Variants in KIF6 observed in about 807,000 individuals in gnomAD.
The protein encoded by KIF6 is kinesin family member 6.
Under a neutral mutation model 112.7 loss-of-function variants are expected in KIF6, and 106 were observed. The ratio of observed to expected loss-of-function variants is 0.94; its 90% CI spans 0.80 to 1.11. KIF6 has a LOEUF of 1.11. Among genes scored for constraint, KIF6 ranks in the 50% least tolerant of loss-of-function variants. The pLI, the probability that KIF6 is intolerant of heterozygous loss-of-function variation, is 0.00. For missense variants in KIF6, 929 were observed against 964.0 expected (o/e 0.96, Z 0.48); for synonymous variants, 339 against 339.9 (o/e 1.00, Z 0.03).
At chr6:39,679,231 A>AC (rs762265260) in intron 3 of KIF6, among the ~76,000 whole-genome samples, 4 of 152,234 alleles carry the variant, frequency 2.6e-5, no homozygotes, top group African/African-American at 7.2e-5. Context: ...TGCTGTGTGT[A>AC]CTGATACATG....
At chr6:39,504,608 T>C (rs985583893) in intron 13 of KIF6, among the ~76,000 whole-genome samples, 1 of 152,214 alleles carries the variant, frequency 6.6e-6, no homozygotes, top group African/African-American at 2.4e-5. Flanking sequence ...CCCTATCATC[T>C]TAGCCTAAAA....
At chr6:39,364,023 A>G (rs1343131965) in intron 16 of KIF6, among the ~76,000 whole-genome samples, 1 of 151,922 alleles carries the variant, frequency 6.6e-6, no homozygotes, top group Non-Finnish European at 1.5e-5. Context: ...GCAGTGTAGC[A>G]TATCTTTCTT....
In KIF6 at chr6:39,540,113, C is replaced by T. The variant is rs2273063; in HGVS notation, c.1535G>A (p.Arg512His). 66,078 of 1,613,946 alleles carry T rather than the reference C, an allele frequency of 0.041. 2,795 individuals carry two copies. Among genetic ancestry groups the T allele is most frequent in the East Asian group, 0.26 (11,587 of 44,856 alleles). Residue 512 changes from arginine (R) to histidine (H), a missense_variant, in exon 13 of 23, where the codon CGC becomes CAC. Transcript: ENST00000287152. The stretch of plus-strand genomic sequence containing the variant: ...TTGACCTTCTTCTGGGTTTCCTAGG[C>T]GGAAGGGTGGGCTCTGGGACTGTCT... ...EFRQSQSPPFRLGNPEEGQRM... is the reference protein window; with the variant it reads ...EFRQSQSPPFHLGNPEEGQRM...
chr6:39,631,640 G>T (rs1784355750), intron 5 of KIF6, among the ~76,000 whole-genome samples: 1 of 151,302 alleles, frequency 6.6e-6, no homozygotes, highest in Non-Finnish European at 1.5e-5. Context: ...TACATTTGTG[G>T]ATTCAATTGT....
At chr6:39,376,409 C>T (rs1336631029) in intron 16 of KIF6, among the ~76,000 whole-genome samples, 1 of 152,334 alleles carries the variant, frequency 6.6e-6, no homozygotes, top group Admixed American at 6.5e-5. Context: ...GTTCATTCAA[C>T]AAGCAGTCAG....
At chr6:39,610,829 C>T (rs1468667215) in intron 6 of KIF6, among the ~76,000 whole-genome samples, 3 of 152,070 alleles carry the variant, frequency 2.0e-5, no homozygotes, top group Admixed American at 2.0e-4. Flanking sequence ...AAAGAAAAGA[C>T]AAAAGCAAGC....
chr6:39,439,411 G>A (rs970243232), intron 13 of KIF6, among the ~76,000 whole-genome samples: 1 of 152,174 alleles, frequency 6.6e-6, no homozygotes. Flanking sequence ...ATGATTAAGA[G>A]AAGCCTGCTG....
chr6:39,457,317 A>G (rs1773187215), intron 13 of KIF6, among the ~76,000 whole-genome samples: 1 of 148,790 alleles, frequency 6.7e-6, no homozygotes, highest in Non-Finnish European at 1.5e-5. Flanking sequence ...GTTCTTTGAA[A>G]CCAACGAGAA....
At position 39,544,615 on chromosome 6, in the gene KIF6, A is replaced by C. The variant is rs764028499; in HGVS notation, c.1366T>G (p.Leu456Val). The C allele has an allele frequency of 1.3e-5, 21 of 1,612,206 alleles. No homozygotes were observed. Among genetic ancestry groups the C allele is most frequent in the Non-Finnish European group, 1.5e-5 (18 of 1,178,702 alleles). Residue 456 changes from leucine to valine, a missense_variant, in exon 12 of 23, where the codon TTA (leucine) becomes GTA (valine). Leu to Val is a conservative substitution (Grantham distance 32). Around this residue, in one of 2 missense-constraint regions of KIF6, gnomAD observed 688 missense variants for 662.7 expected, o/e 1.04. Coordinates refer to ENST00000287152, the MANE Select transcript of KIF6 (RefSeq NM_145027.6). ...AGCTTTCTATATTCTTCTTCTTTTA[A>C]TGGTTCTTGACAATCTTGGTCTTTG... ...ESKDQDCQEP[L>V]KEEEYRKLRD...
At position 39,343,415 on chromosome 6, in the gene KIF6, A is replaced by C; in HGVS notation, c.2428+294T>G. The stretch of plus-strand genomic sequence containing the variant: ...AGAGGAGACAGCTGACTTTGGGAAC[A>C]GAGAACAAAGGAGCTGAAGATCTGG... On this transcript the variant is annotated intron_variant, in intron 22 of 22. Transcript: ENST00000287152. This position sits in a 1 kb window ranked among gnomAD's most constrained non-coding sequence, Gnocchi z 4.1. 7.3e-7 allele frequency: 1 copy of C among 1,374,016 alleles called. No individual in the cohort carries two copies. The highest frequency in any genetic ancestry group is 9.6e-7 in the Non-Finnish European group (1 of 1,043,864). The allele number at this position is 1,374,016 out of a possible 1,614,324, so 85.1% of individuals were successfully genotyped here.
intron 3 of KIF6, among the ~76,000 whole-genome samples, chr6:39,660,622 T>A (rs973803286): frequency 2.0e-5 from 3 of 152,212 alleles, no homozygotes; most frequent in Non-Finnish European, 4.4e-5. Flanking sequence ...AGCTAAATTT[T>A]TTTTTGAGCT....
intron 16 of KIF6, among the ~76,000 whole-genome samples, chr6:39,383,975 A>G (rs1767192519): frequency 6.6e-6 from 1 of 152,204 alleles, no homozygotes; most frequent in South Asian, 2.1e-4. Flanking sequence ...TGGAAATGCT[A>G]CTGATTTTGT....
chr6:39,618,500 C>G (rs997532057), intron 5 of KIF6, among the ~76,000 whole-genome samples: 1 of 152,084 alleles, frequency 6.6e-6, no homozygotes, highest in Non-Finnish European at 1.5e-5. Flanking sequence ...TTTGGAGTTT[C>G]GGCACAACTG....
At chr6:39,422,686 G>A (rs2150368261) in intron 14 of KIF6, among the ~76,000 whole-genome samples, 2 of 152,214 alleles carry the variant, frequency 1.3e-5, no homozygotes, top group Non-Finnish European at 2.9e-5. Context: ...GAGAAAGAGG[G>A]TGACCCCATC....
chr6:39,443,226 T>C (rs1581868496), intron 13 of KIF6, among the ~76,000 whole-genome samples: 1 of 151,540 alleles, frequency 6.6e-6, no homozygotes, highest in African/African-American at 2.4e-5. Flanking sequence ...GAGTCTCACA[T>C]GTCCTTGACT....
intron 2 of KIF6, among the ~76,000 whole-genome samples, chr6:39,719,460 GAGA>G (rs1352770455): frequency 6.6e-6 from 1 of 152,186 alleles, no homozygotes; most frequent in Non-Finnish European, 1.5e-5. Flanking sequence ...ATACATTGAA[GAGA>G]AGAATTAGGA....
intron 15 of KIF6, among the ~76,000 whole-genome samples, chr6:39,386,027 AT>A (rs1767386582): frequency 6.6e-6 from 1 of 152,248 alleles, no homozygotes; most frequent in Non-Finnish European, 1.5e-5. Flanking sequence ...TGGTCTTTTA[AT>A]AATATTTAGG....
chr6:39,628,417 A>G (rs1302655120), intron 5 of KIF6, among the ~76,000 whole-genome samples: 1 of 151,840 alleles, frequency 6.6e-6, no homozygotes, highest in African/African-American at 2.4e-5. Context: ...GTTTTATGCA[A>G]TTTTATCATA....
At chr6:39,423,718 T>C (rs1246740428) in intron 14 of KIF6, among the ~76,000 whole-genome samples, 1 of 152,110 alleles carries the variant, frequency 6.6e-6, no homozygotes, top group African/African-American at 2.4e-5. Flanking sequence ...GGATGGCTCA[T>C]GTCAGTAACC....
Sources: gnomAD v4.1 joint callset for allele counts (sites outside exome capture counted in the v4.1 genomes callset) on GRCh38, gnomAD v4.1.1 for gene constraint, gnomAD v4.1.1 regional missense constraint, Gnocchi (gnomAD v3.1) non-coding constraint, MANE v1.5 for transcripts, NCBI Gene and HGNC (gene_info 2026-07-23, HGNC 2026-07-21) for gene names.